The following MAGI1 variants were observed in gnomAD, a reference collection of about 807,000 sequenced individuals.
The protein encoded by MAGI1 is membrane-associated guanylate kinase, WW and PDZ domain-containing protein 1.
Under a neutral mutation model 139.9 loss-of-function variants are expected in MAGI1, and 58 were observed. The observed-to-expected ratio is 0.41, with a 90% CI of 0.34 to 0.52. The LOEUF (loss-of-function observed/expected upper bound fraction) is 0.52. MAGI1 is among the 20% of genes least tolerant of loss of function. The probability of loss-of-function intolerance (pLI) is 0.12; values close to 1 mark genes in which losing one functional copy is unlikely to be tolerated. For missense variants in MAGI1, 1,874 were observed against 1,901.6 expected (o/e 0.99, Z 0.27); for synonymous variants, 812 against 737.9 (o/e 1.10, Z -1.63).
At chr3:65,435,114 T>C (rs1456746670) in intron 10 of MAGI1, among the ~76,000 whole-genome samples, 1 of 152,196 alleles carries the variant, frequency 6.6e-6, no homozygotes, top group Non-Finnish European at 1.5e-5. Flanking sequence ...CTTCCCAGTC[T>C]CCAGAACTGA....
chr3:65,365,154 C>T, intron 18 of MAGI1: 1 of 738,754 alleles, frequency 1.4e-6, no homozygotes, highest in Non-Finnish European at 2.5e-6. Context: ...TCCCCATGAC[C>T]CTCCTCCCAA....
intron 3 of MAGI1, 138 bp downstream of exon 3, chr3:65,493,374 G>T (rs551688995): frequency 2.2e-6 from 2 of 908,854 alleles, no homozygotes; most frequent in East Asian, 2.5e-5. Context: ...TCTATTATTC[G>T]TCATATTAAG....
At chr3:65,926,124 TTC>T (rs2062489879) in intron 1 of MAGI1, among the ~76,000 whole-genome samples, 2 of 152,170 alleles carry the variant, frequency 1.3e-5, no homozygotes, top group Non-Finnish European at 2.9e-5. Flanking sequence ...TCAAAATCAT[TTC>T]TGTTATTTAG....
chr3:65,989,452 C>T (rs1196218449), intron 1 of MAGI1, among the ~76,000 whole-genome samples: 2 of 152,184 alleles, frequency 1.3e-5, no homozygotes, highest in African/African-American at 4.8e-5. Context: ...AGAACCACTG[C>T]TATAGGTCAA....
intron 2 of MAGI1, chr3:65,597,704 C>A: frequency 2.2e-6 from 1 of 456,602 alleles, no homozygotes; most frequent in Non-Finnish European, 4.4e-6. Flanking sequence ...GAGCCTCTGC[C>A]GCCGCCTGCC....
intron 1 of MAGI1, among the ~76,000 whole-genome samples, chr3:65,777,877 G>A (rs754672599): frequency 1.2e-4 from 18 of 152,080 alleles, no homozygotes; most frequent in Non-Finnish European, 2.5e-4. Context: ...AAAAAATTTA[G>A]CAAGAAAACT....
intron 2 of MAGI1, among the ~76,000 whole-genome samples, chr3:65,618,385 G>A (rs576599103): frequency 3.2e-4 from 49 of 152,116 alleles, no homozygotes; most frequent in Non-Finnish European, 6.3e-4. Context: ...AGAAAATCAT[G>A]TAATGATTTT....
chr3:65,724,280 CTG>C (rs756555205), intron 1 of MAGI1, among the ~76,000 whole-genome samples: 5 of 152,364 alleles, frequency 3.3e-5, no homozygotes, highest in South Asian at 2.1e-4. Flanking sequence ...CTAAAGATGT[CTG>C]ATTCTGTTTC....
intron 1 of MAGI1, among the ~76,000 whole-genome samples, chr3:65,912,701 T>C (rs1040265039): frequency 5.9e-5 from 9 of 152,176 alleles, no homozygotes; most frequent in African/African-American, 1.9e-4. Context: ...GATTCTTTTT[T>C]AGTTACCTTA....
intron 5 of MAGI1, among the ~76,000 whole-genome samples, chr3:65,468,719 T>C (rs1358247472): frequency 6.6e-6 from 1 of 151,996 alleles, no homozygotes; most frequent in African/African-American, 2.4e-5. Flanking sequence ...TCTCTAACTC[T>C]CATATGTTTA....
intron 1 of MAGI1, among the ~76,000 whole-genome samples, chr3:65,997,984 C>A (rs1315987636): frequency 6.6e-6 from 1 of 151,310 alleles, no homozygotes; most frequent in Non-Finnish European, 1.5e-5. Flanking sequence ...CAGGGGGAAA[C>A]CCCAGCTACT....
At chr3:66,007,342 C>G (rs2067078898) in intron 1 of MAGI1, among the ~76,000 whole-genome samples, 1 of 152,206 alleles carries the variant, frequency 6.6e-6, no homozygotes, top group South Asian at 2.1e-4. Context: ...TTTCCTATAT[C>G]ATTAACAGGT....
chr3:65,910,855 C>CTTTTTTTTTTTTTTCT (rs2061635407), intron 1 of MAGI1, among the ~76,000 whole-genome samples: 1 of 59,484 alleles, frequency 1.7e-5, no homozygotes, highest in Non-Finnish European at 2.7e-5. Flanking sequence ...ACATGGTGGA[C>CTTTTTTTTTTTTTTCT]TTTTTTTTTT....
At position 65,354,215 on chromosome 3, in the gene MAGI1, T is replaced by C. The variant is rs1940104066; in HGVS notation, c.*2163A>G. ...AAAGAACATCATTATTCAGTTGTACTCTTCCTCAGCCTTACTACAGCTCAA... is the reference window on the plus strand; with the variant it reads ...AAAGAACATCATTATTCAGTTGTACCCTTCCTCAGCCTTACTACAGCTCAA... On this transcript the variant is annotated 3_prime_UTR_variant, in exon 23 of 23. Coordinates refer to ENST00000402939, the MANE Select transcript of MAGI1 (RefSeq NM_001033057.2). 6.5e-6 allele frequency: 1 copy of C among 152,706 alleles called. No homozygotes were observed. Among genetic ancestry groups the C allele is most frequent in the South Asian group, 2.1e-4 (1 of 4,828 alleles). 9.5% of individuals were successfully genotyped at this position (152,706 alleles called of 1,614,324 possible). A position where few individuals can be genotyped will look rare whatever the true frequency, so the allele number is the denominator to read the frequency against.
At chr3:65,707,672 A>G (rs973720105) in intron 1 of MAGI1, among the ~76,000 whole-genome samples, 5 of 147,578 alleles carry the variant, frequency 3.4e-5, no homozygotes, top group African/African-American at 1.3e-4. Flanking sequence ...ACTGGGTGAC[A>G]GAGTGATACC....
chr3:65,825,768 T>C (rs1467416785), intron 1 of MAGI1, among the ~76,000 whole-genome samples: 1 of 152,166 alleles, frequency 6.6e-6, no homozygotes, highest in Admixed American at 6.5e-5. Context: ...GGCAGGCAGA[T>C]CACGACGTCA....
intron 1 of MAGI1, among the ~76,000 whole-genome samples, chr3:65,800,499 C>T (rs896736476): frequency 2.0e-5 from 3 of 152,098 alleles, no homozygotes; most frequent in Non-Finnish European, 4.4e-5. Context: ...ATTGTCCAGT[C>T]TCATAGTCTT....
rs73125509 is a variant in MAGI1 at position 65,369,934 on chromosome 3, C to G, written c.3197-4988G>C. Among the ~76,000 whole-genome samples, 1,387 of 152,262 alleles carry G rather than the reference C, an allele frequency of 9.1e-3. 14 individuals are homozygous for G. The highest frequency in any genetic ancestry group is 0.019 in the African/African-American group (781 of 41,564). On this transcript the variant is annotated intron_variant, in intron 18 of 22. Coordinates refer to ENST00000402939, the MANE Select transcript of MAGI1 (RefSeq NM_001033057.2). ...TGAAGTAAATATTCGAGTAAAAAAT[C>G]TGAAAGAGACCTGAGGCATAGGCAC...
intron 1 of MAGI1, chr3:65,687,454 T>C (rs2088153081): frequency 5.2e-6 from 2 of 387,014 alleles, no homozygotes; most frequent in South Asian, 2.4e-5. Flanking sequence ...CTGATGCAAC[T>C]TCCTTCAGTG....
Sources: gnomAD v4.1 joint callset for allele counts (sites outside exome capture counted in the v4.1 genomes callset) on GRCh38, gnomAD v4.1.1 for gene constraint, MANE v1.5 for transcripts, NCBI Gene and HGNC (gene_info 2026-07-23, HGNC 2026-07-21) for gene names.